The following CSMD1 variants were observed in gnomAD, a reference collection of about 807,000 sequenced individuals.
CSMD1 encodes CUB and Sushi multiple domains 1.
In CSMD1, 213 loss-of-function variants were observed where a neutral mutation model predicts 417.5. The ratio of observed to expected loss-of-function variants is 0.51; its 90% CI spans 0.46 to 0.57. CSMD1 has a LOEUF of 0.57. Among genes scored for constraint, CSMD1 ranks in the 20% least tolerant of loss-of-function variants. CSMD1 has a pLI of 0.00. For synonymous variants in CSMD1, 2,862 were observed against 1,736.8 expected (o/e 1.65, Z -16.11); for missense variants, 6,923 against 4,529.7 (o/e 1.53, Z -15.17).
At chr8:3,311,387 C>A (rs1019635606) in intron 23 of CSMD1, among the ~76,000 whole-genome samples, 1 of 152,144 alleles carries the variant, frequency 6.6e-6, no homozygotes, top group South Asian at 2.1e-4. Context: ...ATAGCTGGGA[C>A]TATAAGTGCG....
intron 23 of CSMD1, among the ~76,000 whole-genome samples, chr8:3,318,819 G>A (rs1356081677): frequency 6.6e-6 from 1 of 152,154 alleles, no homozygotes. Flanking sequence ...CACACACCAA[G>A]AAATAAATGC....
At chr8:4,899,518 A>G (rs142599090) in intron 1 of CSMD1, among the ~76,000 whole-genome samples, 15 of 152,296 alleles carry the variant, frequency 9.8e-5, no homozygotes, top group African/African-American at 3.6e-4. Flanking sequence ...GTCTCACAAA[A>G]TAAGAAGCAA....
intron 1 of CSMD1, among the ~76,000 whole-genome samples, chr8:4,699,416 C>G (rs925530738): frequency 6.6e-6 from 1 of 152,112 alleles, no homozygotes; most frequent in African/African-American, 2.4e-5. Flanking sequence ...TCTTTTAATG[C>G]CTGTTCTATT....
intron 1 of CSMD1, among the ~76,000 whole-genome samples, chr8:4,941,011 TGA>T (rs374076895): frequency 1.2e-4 from 19 of 152,178 alleles, no homozygotes; most frequent in African/African-American, 4.1e-4. Flanking sequence ...CGATTAATTT[TGA>T]GAGAGGAACA....
chr8:4,152,039 T>C (rs566749344), intron 3 of CSMD1, among the ~76,000 whole-genome samples: 4 of 152,280 alleles, frequency 2.6e-5, no homozygotes, highest in East Asian at 3.9e-4. Context: ...GATACCTTCA[T>C]TTGACTATGC....
At chr8:3,900,385 G>C (rs952473585) in intron 5 of CSMD1, among the ~76,000 whole-genome samples, 1 of 151,754 alleles carries the variant, frequency 6.6e-6, no homozygotes. Context: ...CAGTGCAGCT[G>C]GGTGACAGTA....
rs560124257 is a variant in CSMD1, at chr8:4,877,504, C to T, written c.85+116828G>A. On this transcript the variant is annotated intron_variant, in intron 1 of 69. Coordinates refer to ENST00000635120, the MANE Select transcript of CSMD1 (RefSeq NM_033225.6). Reference sequence around the variant, plus strand: ...CAAAGTAGCTCCTAAAATCTCTTCCCGATCCCCTAAACTTCCTCCTAGTTC... The same window carrying T: ...CAAAGTAGCTCCTAAAATCTCTTCCTGATCCCCTAAACTTCCTCCTAGTTC... Among the ~76,000 whole-genome samples, 12 of 152,122 alleles carry T rather than the reference C, an allele frequency of 7.9e-5. No individual in the cohort carries two copies. In the South Asian group the frequency reaches 8.3e-4, roughly 11 times the overall value.
At chr8:3,469,014 C>G (rs989379012) in intron 11 of CSMD1, 190 bp from the exon 12 acceptor site, 6 of 449,868 alleles carry the variant, frequency 1.3e-5, no homozygotes, top group African/African-American at 2.0e-5. Context: ...TGGTGCTTTA[C>G]AGAAATTACT....
chr8:4,855,598 C>T (rs908660577), intron 1 of CSMD1, among the ~76,000 whole-genome samples: 19 of 152,024 alleles, frequency 1.2e-4, no homozygotes, highest in African/African-American at 3.1e-4. Context: ...AACCAAGGCG[C>T]GAGAACTACG....
intron 18 of CSMD1, among the ~76,000 whole-genome samples, chr8:3,370,437 C>G (rs1419944289): frequency 6.6e-6 from 1 of 152,198 alleles, no homozygotes; most frequent in Non-Finnish European, 1.5e-5. Flanking sequence ...CTATGGATGT[C>G]ACCAGCTCAG....
chr8:3,955,731 CAAGT>C (rs10590279), intron 5 of CSMD1, among the ~76,000 whole-genome samples: 27,479 of 151,924 alleles, frequency 0.18, 2,735 homozygotes, highest in Admixed American at 0.3. Context: ...AGAACTGCCT[CAAGT>C]AAGAAAAAAA....
At chr8:4,939,727 T>A (rs1306556194) in intron 1 of CSMD1, among the ~76,000 whole-genome samples, 1 of 152,188 alleles carries the variant, frequency 6.6e-6, no homozygotes, top group African/African-American at 2.4e-5. Flanking sequence ...TGATCTATTG[T>A]ACAGCACAGA....
intron 46 of CSMD1, among the ~76,000 whole-genome samples, chr8:3,101,721 G>A (rs1288962858): frequency 4.0e-5 from 6 of 151,590 alleles, no homozygotes; most frequent in East Asian, 1.9e-4. Context: ...CACCGCATCC[G>A]ACCAATCCTG....
At chr8:4,979,084 G>C (rs1318241767) in intron 1 of CSMD1, among the ~76,000 whole-genome samples, 1 of 152,106 alleles carries the variant, frequency 6.6e-6, no homozygotes, top group Non-Finnish European at 1.5e-5. Flanking sequence ...GGCCTTCCTG[G>C]TGTTAAATGA....
intron 5 of CSMD1, among the ~76,000 whole-genome samples, chr8:3,993,531 T>G (rs959929944): frequency 6.6e-6 from 1 of 152,200 alleles, no homozygotes; most frequent in African/African-American, 2.4e-5. Flanking sequence ...ATTGACTTAA[T>G]AGTAAAATTG....
intron 1 of CSMD1, among the ~76,000 whole-genome samples, chr8:4,944,677 G>A (rs1011170701): frequency 6.6e-6 from 1 of 152,144 alleles, no homozygotes; most frequent in Non-Finnish European, 1.5e-5. Flanking sequence ...TTAGAGGAAT[G>A]CAAATATCAT....
At chr8:4,747,532 T>C (rs1811036534) in intron 1 of CSMD1, among the ~76,000 whole-genome samples, 1 of 152,168 alleles carries the variant, frequency 6.6e-6, no homozygotes, top group African/African-American at 2.4e-5. Flanking sequence ...ACTACACTGA[T>C]ATTTGTCTTA....
At position 4,804,575 on chromosome 8, in the gene CSMD1, G is replaced by C. The variant is rs548273528; in HGVS notation, c.86-167017C>G. Among the ~76,000 whole-genome samples, 224 of 151,896 alleles carry C rather than the reference G, an allele frequency of 1.5e-3. 1 individual carries two copies. Among genetic ancestry groups the C allele is most frequent in the African/African-American group, 5.3e-3 (218 of 41,450 alleles). ...AGGAACACTGGGAGGGAGGGAATTA[G>C]GGAGGGAGGAAGGAAGGAAGGAAAG... On this transcript the variant is annotated intron_variant, in intron 1 of 69. Transcript: ENST00000635120.
chr8:3,332,128 G>C (rs977780259), intron 23 of CSMD1, among the ~76,000 whole-genome samples: 1 of 152,144 alleles, frequency 6.6e-6, no homozygotes, highest in Non-Finnish European at 1.5e-5. Context: ...ATGATGACAG[G>C]TATGATACAT....
Sources: allele counts gnomAD v4.1 joint callset (sites outside exome capture counted in the v4.1 genomes callset), GRCh38; gene constraint gnomAD v4.1.1; transcripts MANE v1.5; gene names NCBI Gene and HGNC (gene_info 2026-07-23, HGNC 2026-07-21).